Variants in PDE10A observed in about 807,000 individuals in gnomAD.
PDE10A encodes cAMP and cAMP-inhibited cGMP 3',5'-cyclic phosphodiesterase 10A.
PDE10A carries 39 observed loss-of-function variants against 97.7 expected under a neutral mutation model. The observed-to-expected ratio is 0.40, with a 90% CI of 0.31 to 0.52. PDE10A has a LOEUF of 0.52. Ranked by LOEUF, PDE10A falls within the 20% of genes least tolerant of loss-of-function variation. The pLI is 0.56. For synonymous variants in PDE10A, 371 were observed against 376.8 expected, an observed-to-expected ratio of 0.98 and a Z score of 0.18; for missense variants, 731 against 1,047.8, an observed-to-expected ratio of 0.70 and a Z score of 4.17.
intron 2 of PDE10A, among the ~76,000 whole-genome samples, chr6:165,511,453 G>A (rs1340370687): frequency 6.6e-6 from 1 of 151,970 alleles, no homozygotes; most frequent in South Asian, 2.1e-4. Flanking sequence ...ATATCCTGAA[G>A]ACTGTTCCAT....
At chr6:165,726,340 C>T (rs562261344) in intron 1 of PDE10A, among the ~76,000 whole-genome samples, 4 of 152,092 alleles carry the variant, frequency 2.6e-5, no homozygotes, top group Non-Finnish European at 4.4e-5. Flanking sequence ...AAAAAATATA[C>T]CCAGGAAACA....
chr6:165,933,237 G>C (rs1783198933), intron 1 of PDE10A, among the ~76,000 whole-genome samples: 1 of 152,160 alleles, frequency 6.6e-6, no homozygotes. Flanking sequence ...GTGGGCACCA[G>C]GCAAGGAGGA....
chr6:165,339,226 C>T, intron 20 of PDE10A, 52 bp downstream of exon 20: 1 of 1,009,902 alleles, frequency 9.9e-7, no homozygotes, highest in Non-Finnish European at 1.6e-6. Flanking sequence ...ATTTTATGCC[C>T]ACCTTAAACT....
At chr6:165,400,016 T>C (rs1423125034) in intron 13 of PDE10A, among the ~76,000 whole-genome samples, 8 of 152,018 alleles carry the variant, frequency 5.3e-5, no homozygotes, top group South Asian at 2.1e-4. Context: ...AATACAGAAA[T>C]AGGACCACAC....
At chr6:165,714,728 A>G (rs1415004707) in intron 1 of PDE10A, among the ~76,000 whole-genome samples, 1 of 152,208 alleles carries the variant, frequency 6.6e-6, no homozygotes, top group Non-Finnish European at 1.5e-5. Context: ...TCCCTGCCCT[A>G]AAGAAACAGG....
intron 1 of PDE10A, among the ~76,000 whole-genome samples, chr6:165,612,777 C>T (rs1340207462): frequency 1.3e-5 from 2 of 152,200 alleles, no homozygotes; most frequent in African/African-American, 4.8e-5. Context: ...CGCCTCACCA[C>T]ATATCTTTTC....
chr6:165,725,073 G>T (rs1303760061), intron 1 of PDE10A, among the ~76,000 whole-genome samples: 2 of 152,184 alleles, frequency 1.3e-5, no homozygotes, highest in Non-Finnish European at 2.9e-5. Context: ...TCAGAGGAGA[G>T]TCCGGCTGCT....
intron 1 of PDE10A, among the ~76,000 whole-genome samples, chr6:165,686,249 T>C (rs1791113846): frequency 6.6e-6 from 1 of 152,100 alleles, no homozygotes; most frequent in Non-Finnish European, 1.5e-5. Context: ...TCCTGAGATG[T>C]GATGCATTCA....
chr6:165,394,136 T>C (rs1785941743), intron 15 of PDE10A, among the ~76,000 whole-genome samples: 1 of 152,122 alleles, frequency 6.6e-6, no homozygotes, highest in African/African-American at 2.4e-5. Context: ...GTTACATAGG[T>C]ATACACGTGC....
At chr6:165,808,458 C>A (rs1415096262) in intron 1 of PDE10A, among the ~76,000 whole-genome samples, 1 of 152,156 alleles carries the variant, frequency 6.6e-6, no homozygotes, top group African/African-American at 2.4e-5. Flanking sequence ...TAATTCTGCC[C>A]TAACTGGGCA....
chr6:165,396,569 C>T (rs1041276147), intron 13 of PDE10A, 110 bp from the exon 14 acceptor site: 3 of 1,038,358 alleles, frequency 2.9e-6, no homozygotes, highest in Non-Finnish European at 4.2e-6. Flanking sequence ...GAATTAAAAC[C>T]AAAGTGGATT....
At position 165,624,372 on chromosome 6, in the gene PDE10A, G is replaced by C. The variant is rs1788286508; in HGVS notation, c.865+37575C>G. Among the ~76,000 whole-genome samples the C allele has an allele frequency of 2.0e-5, 3 of 152,300 alleles. 1 individual carries two copies. Among genetic ancestry groups the C allele is most frequent in the South Asian group, 4.2e-4 (2 of 4,818 alleles). Reference sequence around the variant, plus strand: ...CGGTACACTCTTTATTTTCCAGGTTGACTTGAACATTCAAGTGTCAATCAT... The same window carrying C: ...CGGTACACTCTTTATTTTCCAGGTTCACTTGAACATTCAAGTGTCAATCAT... On this transcript the variant is annotated intron_variant, in intron 1 of 21. Coordinates refer to ENST00000539869, the MANE Select transcript of PDE10A (RefSeq NM_001385079.1).
intron 16 of PDE10A, among the ~76,000 whole-genome samples, chr6:165,390,187 A>T (rs220798): frequency 6.6e-6 from 1 of 151,954 alleles, no homozygotes; most frequent in Non-Finnish European, 1.5e-5. Context: ...AAAAACCCCA[A>T]GGGAGGAACA....
rs553274019 is a variant in PDE10A, at chr6:165,671,246, T to G, written c.-614-127678A>C. 6.6e-5 allele frequency among the ~76,000 whole-genome samples: 10 copies of G among 152,316 alleles called. No homozygotes were observed. In the East Asian group the frequency reaches 1.9e-3, roughly 29 times the overall value. On this transcript the variant is annotated intron_variant, in intron 1 of 19. Coordinates refer to the PDE10A transcript ENST00000366882. The surrounding 1 kb of genome is among the most constrained non-coding windows in gnomAD (Gnocchi z 4.6). ...GATAGGCTAGAGTGAAACCCTCTTC[T>G]GTTTTTTTAACTACCTTGATTAAGC...
At chr6:165,976,542 C>T (rs1026324977) in intron 1 of PDE10A, among the ~76,000 whole-genome samples, 1 of 152,196 alleles carries the variant, frequency 6.6e-6, no homozygotes, top group African/African-American at 2.4e-5. Context: ...AGAGCCTTTG[C>T]CAAGGTTTCA....
chr6:165,527,412 G>T (rs1013371567), intron 2 of PDE10A, among the ~76,000 whole-genome samples: 1 of 152,230 alleles, frequency 6.6e-6, no homozygotes, highest in African/African-American at 2.4e-5. Context: ...TGAGGTGTCA[G>T]TAGTAGACAG....
At chr6:165,422,518 C>A (rs1788796512) in intron 10 of PDE10A, among the ~76,000 whole-genome samples, 1 of 152,114 alleles carries the variant, frequency 6.6e-6, no homozygotes, top group South Asian at 2.1e-4. Flanking sequence ...AGTGAAACAA[C>A]ACTCTTTATA....
At chr6:165,335,231 A>G (rs1223455987) in intron 21 of PDE10A, among the ~76,000 whole-genome samples, 1 of 152,198 alleles carries the variant, frequency 6.6e-6, no homozygotes, top group African/African-American at 2.4e-5. Flanking sequence ...CGATGCTTAA[A>G]TGTCTTTCTG....
chr6:165,447,029 G>A (rs992021083), intron 5 of PDE10A, among the ~76,000 whole-genome samples: 15 of 151,802 alleles, frequency 9.9e-5, no homozygotes, highest in African/African-American at 2.7e-4. Context: ...ATAGAAAAGC[G>A]TTTTGCTGAA....
Sources: gnomAD v4.1 joint callset for allele counts (sites outside exome capture counted in the v4.1 genomes callset) on GRCh38, gnomAD v4.1.1 for gene constraint, Gnocchi (gnomAD v3.1) non-coding constraint, MANE v1.5 for transcripts, NCBI Gene and HGNC (gene_info 2026-07-23, HGNC 2026-07-21) for gene names.